The following COL11A1 variants were observed in gnomAD, a reference collection of about 807,000 sequenced individuals.
COL11A1 encodes the protein collagen type XI alpha 1 chain.
Under a neutral mutation model 265.2 loss-of-function variants are expected in COL11A1, and 74 were observed. That is an observed-to-expected ratio of 0.28 (90% CI 0.23 to 0.34). The LOEUF (loss-of-function observed/expected upper bound fraction) is 0.34. Ranked by LOEUF, COL11A1 falls within the 10% of genes least tolerant of loss-of-function variation. The pLI is 1.00. For missense variants in COL11A1, 2,165 were observed against 2,263.6 expected, an observed-to-expected ratio of 0.96 and a Z score of 0.88; for synonymous variants, 816 against 727.6, an observed-to-expected ratio of 1.12 and a Z score of -1.96.
intron 30 of COL11A1, 100 bp from the exon 31 acceptor site, chr1:102,984,291 C>A (rs1267882085): frequency 1.4e-6 from 1 of 733,438 alleles, no homozygotes; most frequent in Non-Finnish European, 2.2e-6. Context: ...ACATATTGTA[C>A]ACTCAAAAGG....
chr1:102,927,442 C>T (rs150403618), intron 46 of COL11A1, among the ~76,000 whole-genome samples: 381 of 152,202 alleles, frequency 2.5e-3, no homozygotes, highest in Middle Eastern at 0.01. Context: ...TACGGCCAGG[C>T]GCAGTGGCTC....
intron 62 of COL11A1, among the ~76,000 whole-genome samples, chr1:102,887,967 C>T (rs1651217523): frequency 6.6e-6 from 1 of 152,098 alleles, no homozygotes; most frequent in African/African-American, 2.4e-5. Flanking sequence ...TTCTAGCCTC[C>T]AACACTGGGA....
At chr1:103,099,696 C>T (rs2102409800) in intron 1 of COL11A1, among the ~76,000 whole-genome samples, 1 of 151,830 alleles carries the variant, frequency 6.6e-6, no homozygotes, top group East Asian at 1.9e-4. Flanking sequence ...CGGTCAATAC[C>T]ACTACATATC....
intron 43 of COL11A1, among the ~76,000 whole-genome samples, chr1:102,939,506 C>T (rs1392933729): frequency 6.6e-6 from 1 of 151,954 alleles, no homozygotes; most frequent in Non-Finnish European, 1.5e-5. Context: ...TAAGATCAGC[C>T]TAGGAAGCAT....
intron 1 of COL11A1, among the ~76,000 whole-genome samples, chr1:103,099,169 T>C (rs1442981498): frequency 6.6e-6 from 1 of 151,752 alleles, no homozygotes; most frequent in Non-Finnish European, 1.5e-5. Flanking sequence ...TAAACATACC[T>C]ATACCAGTGA....
intron 30 of COL11A1, among the ~76,000 whole-genome samples, chr1:102,985,899 A>C (rs7544130): frequency 0.63 from 95,069 of 151,930 alleles, 31,541 homozygotes; most frequent in East Asian, 0.91. Flanking sequence ...AATCACTATA[A>C]CATTGCTCAT....
chr1:102,916,920 A>G (rs1426655794), intron 49 of COL11A1, among the ~76,000 whole-genome samples: 4 of 151,950 alleles, frequency 2.6e-5, no homozygotes, highest in Non-Finnish European at 5.9e-5. Flanking sequence ...GCTGATATTC[A>G]TATCTTAAAA....
intron 54 of COL11A1, among the ~76,000 whole-genome samples, chr1:102,909,854 C>T (rs937794525): frequency 6.6e-6 from 1 of 151,450 alleles, no homozygotes; most frequent in African/African-American, 2.4e-5. Flanking sequence ...TTATAATTGT[C>T]GATCATTATC....
intron 4 of COL11A1, among the ~76,000 whole-genome samples, chr1:103,031,560 G>T (rs146512491): frequency 1.2e-4 from 18 of 152,004 alleles, no homozygotes; most frequent in Non-Finnish European, 2.5e-4. Flanking sequence ...AATAAAATGT[G>T]AGCAAAAGGC....
chr1:102,914,483 A>G, intron 51 of COL11A1, 78 bp from the exon 52 acceptor site: 1 of 1,359,194 alleles, frequency 7.4e-7, no homozygotes. Context: ...GGAGGTGAAG[A>G]GGTTAAAGTC....
chr1:103,002,347 T>G, intron 23 of COL11A1, 81 bp downstream of exon 23: 1 of 1,198,516 alleles, frequency 8.3e-7, no homozygotes. Context: ...ACATAGAAAA[T>G]TGTGAGACTG....
chr1:102,884,361 T>C (rs1240573749), intron 63 of COL11A1: 1 of 152,256 alleles, frequency 6.6e-6, no homozygotes, highest in Non-Finnish European at 1.5e-5. Flanking sequence ...CCACCAGGAA[T>C]GTCAGGCGAC....
intron 4 of COL11A1, among the ~76,000 whole-genome samples, chr1:103,037,142 T>TATATA (rs1553242540): frequency 0.035 from 5,130 of 148,338 alleles, 158 homozygotes; most frequent in African/African-American, 0.073. Context: ...ATATATAATT[T>TATATA]TATATATATA....
chr1:102,904,579 G>C (rs138454459), intron 54 of COL11A1, among the ~76,000 whole-genome samples: 23,804 of 146,568 alleles, frequency 0.16, 2,233 homozygotes, highest in African/African-American at 0.29. Context: ...TGAACAGACA[G>C]TTCTCAAAAG....
chr1:102,991,822 A>G (rs1664167303), intron 28 of COL11A1, among the ~76,000 whole-genome samples: 1 of 136,516 alleles, frequency 7.3e-6, no homozygotes, highest in African/African-American at 2.6e-5. Context: ...AAAGAACTCT[A>G]GCATGCCAGG....
intron 4 of COL11A1, among the ~76,000 whole-genome samples, chr1:103,059,226 A>G (rs1488982770): frequency 6.6e-6 from 1 of 152,162 alleles, no homozygotes; most frequent in East Asian, 1.9e-4. Context: ...CTGGTCTTCC[A>G]TGTGGAAGAA....
At chr1:102,983,173 G>A (rs907586935) in intron 31 of COL11A1, among the ~76,000 whole-genome samples, 5 of 151,906 alleles carry the variant, frequency 3.3e-5, no homozygotes, top group African/African-American at 1.2e-4. Flanking sequence ...TTTATGATAG[G>A]TTTGAGAAAA....
intron 4 of COL11A1, among the ~76,000 whole-genome samples, chr1:103,052,953 A>C (rs1389760399): frequency 6.6e-6 from 1 of 152,224 alleles, no homozygotes; most frequent in Non-Finnish European, 1.5e-5. Flanking sequence ...TGCAAATGTA[A>C]GATGATTTCT....
chr1:102,927,592 G>A (rs760084304), intron 46 of COL11A1, among the ~76,000 whole-genome samples: 1 of 151,906 alleles, frequency 6.6e-6, no homozygotes, highest in Non-Finnish European at 1.5e-5. Context: ...GCAGTGAGCC[G>A]AGAGCAGGCC....
Sources: gnomAD v4.1 joint callset for allele counts (sites outside exome capture counted in the v4.1 genomes callset) on GRCh38, gnomAD v4.1.1 for gene constraint, MANE v1.5 for transcripts, NCBI Gene and HGNC (gene_info 2026-07-23, HGNC 2026-07-21) for gene names.